AOC2: variants seen among roughly 807,000 people sequenced by gnomAD.
AOC2 encodes the protein amine oxidase [copper-containing] 2.
A neutral mutation model predicts 53.8 loss-of-function variants in AOC2; 57 were observed. The observed-to-expected ratio is 1.06, with a 90% CI of 0.86 to 1.32. The LOEUF is 1.32. AOC2 is among the 40% of genes most tolerant of loss of function. The pLI is 0.00. For synonymous variants in AOC2, 404 were observed against 399.0 expected, an observed-to-expected ratio of 1.01 and a Z score of -0.15; for missense variants, 1,008 against 957.2, an observed-to-expected ratio of 1.05 and a Z score of -0.70.
At position 42,845,592 on chromosome 17, in the gene AOC2, C is replaced by T. The variant is rs1205649889; in HGVS notation, c.966C>T (p.Asn322=). The part of the protein sequence containing the change: ...PQGSQYSVQG[N]LVVSSLWSFT... ...GTTCCCAGTACAGTGTGCAAGGAAA[C>T]CTGGTGGTATCCTCCCTCTGGTCAT... The change falls in exon 1 of 4, where the codon AAC becomes AAT. Residue 322 remains asparagine (N), a synonymous_variant. Coordinates refer to ENST00000253799, the MANE Select transcript of AOC2 (RefSeq NM_009590.4). 1.2e-6 allele frequency: 2 copies of T among 1,614,200 alleles called. No homozygotes were observed. The highest frequency in any genetic ancestry group is 1.7e-6 in the Non-Finnish European group (2 of 1,180,040).
chr17:42,848,064 CCTT>C (rs2055612410), intron 1 of AOC2, among the ~76,000 whole-genome samples: 1 of 134,394 alleles, frequency 7.4e-6, no homozygotes, highest in Admixed American at 7.2e-5. Context: ...CCATGCCCGG[CCTT>C]TTTTTTTTTT....
intron 1 of AOC2, among the ~76,000 whole-genome samples, chr17:42,846,873 G>A (rs2055603771): frequency 1.3e-5 from 2 of 152,324 alleles, no homozygotes; most frequent in South Asian, 4.1e-4. Context: ...CTTTGTCAAG[G>A]ACAGAAAGGA....
At position 42,845,058 on chromosome 17, in the gene AOC2, C is replaced by A. The variant is rs1283533095; in HGVS notation, c.432C>A (p.His144Gln). Residue 144 changes from histidine (H) to glutamine (Q), a missense_variant, in exon 1 of 4, where the codon CAC becomes CAA. By Grantham distance (24) the His-to-Gln change is conservative. Transcript: ENST00000253799. ...AGCTGGTGGTGGGGCCGCTGCCTCA[C>A]CCCTCGTACATGCGGGATGTGACTG... Reference protein sequence around the residue: ...VSELVVGPLPHPSYMRDVTVE... With the variant: ...VSELVVGPLPQPSYMRDVTVE... The A allele has an allele frequency of 4.3e-6, 7 of 1,613,850 alleles. No individual in the cohort carries two copies. Among genetic ancestry groups the A allele is most frequent in the Admixed American group, 1.7e-5 (1 of 60,000 alleles).
Position 42,845,853 on chromosome 17 carries a change from A to G in AOC2, c.1227A>G (p.Ile409Met), listed in dbSNP as rs764106671. The G allele has an allele frequency of 1.2e-6, 2 of 1,614,148 alleles. No homozygotes were observed. Among genetic ancestry groups the G allele is most frequent in the Non-Finnish European group, 8.5e-7 (1 of 1,180,020 alleles). ...AAGCCACGATGGTGGACATCCATAT[A>G]TTAGTGGGCAAAGGGGCAGTCCAGC... ...PYQATMVDIH[I>M]LVGKGAVQLL... The change falls in exon 1 of 4, where the codon ATA (isoleucine) becomes ATG (methionine). Residue 409 changes from isoleucine to methionine, a missense_variant. Ile to Met is a conservative substitution (Grantham distance 10). Transcript: ENST00000253799.
At position 42,846,036 on chromosome 17, in the gene AOC2, C is replaced by A; in HGVS notation, c.1410C>A (p.Asp470Glu). The change falls in exon 1 of 4, where the codon GAC becomes GAA. Residue 470 changes from aspartate (D) to glutamate (E), a missense_variant. Asp to Glu is a conservative substitution (Grantham distance 45). Transcript: ENST00000253799. ...TGGGCAACTATGACTACATTTGGGA[C>A]TTTGTGTTGTACCCAAATGGGGCAC... ...SSVGNYDYIW[D>E]FVLYPNGALE... 6.2e-7 allele frequency: 1 copy of A among 1,612,546 alleles called. No homozygotes were observed. Among genetic ancestry groups the A allele is most frequent in the Non-Finnish European group, 8.5e-7 (1 of 1,178,744 alleles).
intron 3 of AOC2, 141 bp downstream of exon 3, chr17:42,849,871 C>G (rs2055635440): frequency 7.7e-7 from 1 of 1,302,946 alleles, no homozygotes; most frequent in African/African-American, 1.5e-5. Flanking sequence ...ATGACCAACA[C>G]AGGTCATCCC....
chr17:42,849,274 T>TGGG lies in AOC2; in HGVS notation c.1779_1781dup (p.Gly594dup). 1 of 1,614,076 alleles carries TGGG rather than the reference T, an allele frequency of 6.2e-7. No individual in the cohort carries two copies. The highest frequency in any genetic ancestry group is 8.5e-7 in the Non-Finnish European group (1 of 1,179,992). The stretch of plus-strand genomic sequence containing the variant: ...CCTGGCTAGCAACCAGACTAATGCG[T>TGGG]GGGGTCACCAGCGCGGGTACCGAAT... On this transcript the variant is annotated inframe_insertion, in exon 2 of 4. Transcript: ENST00000253799.
chr17:42,848,165 C>T (rs1226464680), intron 1 of AOC2, among the ~76,000 whole-genome samples: 2 of 150,882 alleles, frequency 1.3e-5, no homozygotes, highest in Admixed American at 1.3e-4. Flanking sequence ...ATCACCCTGC[C>T]ACCAGCCTCC....
rs1456253003 is a variant in AOC2 at position 42,846,055 on chromosome 17, G to C, written c.1429G>C (p.Gly477Arg). Residue 477 changes from glycine to arginine, a missense_variant, in exon 1 of 4, where the codon GGG becomes CGG. Transcript: ENST00000253799. ...TTGGGACTTTGTGTTGTACCCAAAT[G>C]GGGCACTTGAAGGGCGGGTCCATGC... ...YIWDFVLYPN[G>R]ALEGRVHATG... is the part of the protein sequence containing the mutation. 5.6e-6 allele frequency: 9 copies of C among 1,609,774 alleles called. No individual in the cohort carries two copies. The highest frequency in any genetic ancestry group is 7.6e-6 in the Non-Finnish European group (9 of 1,176,534).
In AOC2 at chr17:42,844,893, CA is replaced by C; in HGVS notation, c.269del (p.Asn90ThrfsTer45). 1 of 1,612,940 alleles carries C rather than the reference CA, an allele frequency of 6.2e-7. No homozygotes were observed. Among genetic ancestry groups the C allele is most frequent in the Non-Finnish European group, 8.5e-7 (1 of 1,179,376 alleles). On this transcript the variant is annotated frameshift_variant, in exon 1 of 4. Coordinates refer to ENST00000253799, the MANE Select transcript of AOC2 (RefSeq NM_009590.4). LOFTEE classifies it high-confidence loss of function. ...VDAAQAQPSD[N>X]CIFSVELQLP... ...ACGCAGCCCAGGCTCAGCCCTCGGA[CA>C]ACTGCATCTTCTCAGTGGAGCTGCA... is the stretch of plus-strand genomic sequence containing the variant.
rs2055623860 is a variant in AOC2, at chr17:42,849,210, A to G, written c.1713A>G (p.Thr571=). ...AGGTCCTGGGAAAGGAGGACCTGAC[A>G]GCTTTTTCCTTGGGAAGCCCCCTAC... ...TRQVLGKEDL[T]AFSLGSPLPR... The change falls in exon 2 of 4, where the codon ACA becomes ACG. Residue 571 remains threonine, a synonymous_variant. Coordinates refer to ENST00000253799, the MANE Select transcript of AOC2 (RefSeq NM_009590.4). 6.2e-7 allele frequency: 1 copy of G among 1,614,192 alleles called. No individual in the cohort carries two copies. The highest frequency in any genetic ancestry group is 8.5e-7 in the Non-Finnish European group (1 of 1,180,028).
rs1374026963 is a variant in AOC2 at position 42,845,666 on chromosome 17, G to A, written c.1040G>A (p.Arg347Gln). 6 of 1,614,052 alleles carry A rather than the reference G, an allele frequency of 3.7e-6. No individual in the cohort carries two copies. The East Asian group carries it at 6.7e-5, about 18-fold the overall frequency. Reference protein sequence around the residue: ...VFSGLRIFDVRFQGERIAYEV... With the variant: ...VFSGLRIFDVQFQGERIAYEV... ...AGCGGCCTGAGGATTTTTGATGTTC[G>A]GTTCCAGGGTGAGCGAATAGCCTAT... The change falls in exon 1 of 4, where the codon CGG becomes CAG. Residue 347 changes from arginine to glutamine, a missense_variant. Arg to Gln is a conservative substitution (Grantham distance 43). Coordinates refer to ENST00000253799, the MANE Select transcript of AOC2 (RefSeq NM_009590.4).
chr17:42,845,462 G>A lies in AOC2; in HGVS notation c.836G>A (p.Arg279Gln), dbSNP rs769614607. The A allele has an allele frequency of 2.5e-5, 40 of 1,614,148 alleles. No homozygotes were observed. The highest frequency in any genetic ancestry group is 5.3e-5 in the African/African-American group (4 of 75,020). The change falls in exon 1 of 4, where the codon CGG becomes CAG. Residue 279 changes from arginine (R) to glutamine (Q), a missense_variant. Coordinates refer to ENST00000253799, the MANE Select transcript of AOC2 (RefSeq NM_009590.4). ...TTGGAACGGGAGTTTAAGTCTGGCCGGTTGGAAGTGGTTAGAGTCCCTCTA... is the reference window on the plus strand; with the variant it reads ...TTGGAACGGGAGTTTAAGTCTGGCCAGTTGGAAGTGGTTAGAGTCCCTCTA... The part of the protein sequence containing the change: ...GQLEREFKSG[R>Q]LEVVRVPLPP...
At position 42,849,159 on chromosome 17, in the gene AOC2, G is replaced by C; in HGVS notation, c.1662G>C (p.Trp554Cys). ...PVAAPWNPEH[W>C]LQRPQLTRQV... ...CTGCCCCCTGGAACCCGGAGCACTGGCTACAGCGCCCACAGCTGACTCGGC... is the reference window on the plus strand; with the variant it reads ...CTGCCCCCTGGAACCCGGAGCACTGCCTACAGCGCCCACAGCTGACTCGGC... Residue 554 changes from tryptophan (W) to cysteine (C), a missense_variant, in exon 2 of 4, where the codon TGG becomes TGC. Physicochemically the swap from Trp to Cys is radical, Grantham distance 215. Transcript: ENST00000253799. 6.2e-7 allele frequency: 1 copy of C among 1,614,158 alleles called. No homozygotes were observed. Among genetic ancestry groups the C allele is most frequent in the Non-Finnish European group, 8.5e-7 (1 of 1,180,014 alleles).
At position 42,849,328 on chromosome 17, in the gene AOC2, A is replaced by G. The variant is rs755713301; in HGVS notation, c.1831A>G (p.Ile611Val). ...IQIHSPLGIH[I>V]PLESDMERAL... ...GATCCACAGCCCCCTTGGCATACACATACCCCTGGAGAGTGACATGGAGAG... is the reference window on the plus strand; with the variant it reads ...GATCCACAGCCCCCTTGGCATACACGTACCCCTGGAGAGTGACATGGAGAG... Residue 611 changes from isoleucine (I) to valine (V), a missense_variant, in exon 2 of 4, where the codon ATA (isoleucine) becomes GTA (valine). Coordinates refer to ENST00000253799, the MANE Select transcript of AOC2 (RefSeq NM_009590.4). 6.2e-6 allele frequency: 10 copies of G among 1,614,046 alleles called. No individual in the cohort carries two copies. Among genetic ancestry groups the G allele is most frequent in the Middle Eastern group, 1.6e-4 (1 of 6,062 alleles).
Position 42,846,046 on chromosome 17 carries a change from T to G in AOC2, c.1420T>G (p.Tyr474Asp). ...TGACTACATTTGGGACTTTGTGTTG[T>G]ACCCAAATGGGGCACTTGAAGGGCG... ...NYDYIWDFVL[Y>D]PNGALEGRVH... The change falls in exon 1 of 4, where the codon TAC becomes GAC. Residue 474 changes from tyrosine (Y) to aspartate (D), a missense_variant. By Grantham distance (160) the Tyr-to-Asp change is radical (BLOSUM62 -3). Coordinates refer to ENST00000253799, the MANE Select transcript of AOC2 (RefSeq NM_009590.4). 6.2e-7 allele frequency: 1 copy of G among 1,611,262 alleles called. No homozygotes were observed. The highest frequency in any genetic ancestry group is 8.5e-7 in the Non-Finnish European group (1 of 1,177,658).
chr17:42,845,333 C>A lies in AOC2; in HGVS notation c.707C>A (p.Pro236His). 2 of 1,614,226 alleles carry A rather than the reference C, an allele frequency of 1.2e-6. No individual in the cohort carries two copies. The highest frequency in any genetic ancestry group is 8.5e-7 in the Non-Finnish European group (1 of 1,180,030). The stretch of plus-strand genomic sequence containing the variant: ...TCAGGGGTTGGTCTTTTCCTTCACC[C>A]CGTGGGGCTGGAGCTACTACTGGAC... Reference protein sequence around the residue: ...NISGVGLFLHPVGLELLLDHR... With the variant: ...NISGVGLFLHHVGLELLLDHR... Residue 236 changes from proline (P) to histidine (H), a missense_variant, in exon 1 of 4, where the codon CCC (proline) becomes CAC (histidine). Transcript: ENST00000253799.
At position 42,848,538 on chromosome 17, in the gene AOC2, TATATATAC is replaced by T. The variant is rs1481756732; in HGVS notation, c.1589-540_1589-533del. Reference sequence around the variant, plus strand: ...CAGAGGAACTGAATATATATATATATATATATACATATATATATATATATATATTTTAG... The same window carrying T: ...CAGAGGAACTGAATATATATATATATATATATATATATATATATATTTTAG... On this transcript the variant is annotated intron_variant, in intron 1 of 3. Transcript: ENST00000253799. Among the ~76,000 whole-genome samples the T allele has an allele frequency of 5.4e-4, 74 of 136,024 alleles. 3 individuals are homozygous for T. Among genetic ancestry groups the T allele is most frequent in the African/African-American group, 2.3e-3 (71 of 30,986 alleles). The allele number at this position is 136,024 out of a possible 152,430, so 89.2% of individuals were successfully genotyped here.
Position 42,845,765 on chromosome 17 carries a change from A to G in AOC2, c.1139A>G (p.Asp380Gly), listed in dbSNP as rs144802618. The change falls in exon 1 of 4, where the codon GAT becomes GGT. Residue 380 changes from aspartate to glycine, a missense_variant. Coordinates refer to ENST00000253799, the MANE Select transcript of AOC2 (RefSeq NM_009590.4). ...SPKTMLTRYL[D>G]SSFGLGRNSR... ...AAGACGATGCTGACTCGCTATTTGG[A>G]TAGCAGCTTTGGACTCGGCCGTAAC... 197 of 1,614,108 alleles carry G rather than the reference A, an allele frequency of 1.2e-4. No homozygotes were observed. In the Middle Eastern group the frequency reaches 2.1e-3, roughly 18 times the overall value.
Sources: gnomAD v4.1 joint callset for allele counts (sites outside exome capture counted in the v4.1 genomes callset) on GRCh38, gnomAD v4.1.1 for gene constraint, MANE v1.5 for transcripts, NCBI Gene and HGNC (gene_info 2026-07-23, HGNC 2026-07-21) for gene names.